SYNJ2: variants seen among roughly 807,000 people sequenced by gnomAD.
The protein encoded by SYNJ2 is polyphosphatidylinositol phosphatase SYNJ2.
SYNJ2 carries 116 observed loss-of-function variants against 141.3 expected under a neutral mutation model. The observed-to-expected ratio is 0.82, with a 90% confidence interval of 0.71 to 0.96. The LOEUF is 0.96. SYNJ2 is among the 40% of genes least tolerant of loss of function. SYNJ2 has a pLI of 0.00. For missense variants in SYNJ2, 1,873 were observed against 1,934.8 expected (o/e 0.97, Z 0.60); for synonymous variants, 745 against 777.7 (o/e 0.96, Z 0.70).
chr6:158,062,272 C>A, intron 8 of SYNJ2, 108 bp downstream of exon 8: 1 of 1,533,836 alleles, frequency 6.5e-7, no homozygotes, highest in South Asian at 1.3e-5. Flanking sequence ...GGCAGAGGGG[C>A]CGTGCAGTCT....
At chr6:158,056,480 G>C (rs545395192) in intron 6 of SYNJ2, among the ~76,000 whole-genome samples, 1 of 152,328 alleles carries the variant, frequency 6.6e-6, no homozygotes, top group African/African-American at 2.4e-5. Flanking sequence ...CCACGACACT[G>C]GGCTGGAGGC....
chr6:158,063,824 T>G lies in SYNJ2; in HGVS notation c.1161T>G (p.Leu387=). 3.1e-6 allele frequency: 5 copies of G among 1,613,892 alleles called. No homozygotes were observed. The highest frequency in any genetic ancestry group is 4.2e-6 in the Non-Finnish European group (5 of 1,179,932). The change falls in exon 9 of 27, where the codon CTT becomes CTG. Residue 387 remains leucine, a synonymous_variant. Coordinates refer to ENST00000355585, the MANE Select transcript of SYNJ2 (RefSeq NM_003898.4). ...AAGGCACTTTGCGGATGAACTGTCT[T>G]GACTGCCTGGACCGAACCAACACTG... ...FQKGTLRMNC[L]DCLDRTNTVQ...
Position 158,096,534 on chromosome 6 carries a change from C to G in SYNJ2, c.*170C>G, listed in dbSNP as rs1783811282. The G allele has an allele frequency of 1.5e-6, 1 of 658,290 alleles. No homozygotes were observed. The highest frequency in any genetic ancestry group is 3.0e-5 in the East Asian group (1 of 32,898). The allele number at this position is 658,290 out of a possible 1,614,324, so 40.8% of individuals were successfully genotyped here. A position where few individuals can be genotyped will look rare whatever the true frequency, so the allele number is the denominator to read the frequency against. On this transcript the variant is annotated 3_prime_UTR_variant, in exon 27 of 27. Coordinates refer to ENST00000355585, the MANE Select transcript of SYNJ2 (RefSeq NM_003898.4). ...TGTCTCTTATTCAGTAAGATGGTTA[C>G]TCAGCCACCAAAATATATTTCACTC...
At chr6:157,993,709 G>GTTTTT (rs1777533743) in intron 1 of SYNJ2, among the ~76,000 whole-genome samples, 1 of 61,564 alleles carries the variant, frequency 1.6e-5, no homozygotes, top group African/African-American at 9.9e-5. Context: ...TTCTTGCATA[G>GTTTTT]CTTTTTTTTT....
At chr6:158,033,960 G>C (rs1037482234) in intron 4 of SYNJ2, among the ~76,000 whole-genome samples, 1 of 152,190 alleles carries the variant, frequency 6.6e-6, no homozygotes, top group Non-Finnish European at 1.5e-5. Flanking sequence ...TTTTTGCCTT[G>C]GTCGTGAAAG....
intron 2 of SYNJ2, chr6:158,026,716 C>T: frequency 2.2e-6 from 1 of 463,746 alleles, no homozygotes; most frequent in Non-Finnish European, 2.8e-6. Context: ...TCATGACTCT[C>T]ACGGAGTGAT....
At chr6:158,028,602 G>A in intron 2 of SYNJ2, 154 bp from the exon 3 acceptor site, 2 of 981,972 alleles carry the variant, frequency 2.0e-6, no homozygotes, top group Non-Finnish European at 3.0e-6. Flanking sequence ...GCAGGTTCTT[G>A]AGCCATTGAG....
chr6:158,067,430 TA>T (rs1781637437), intron 12 of SYNJ2: 1 of 984,988 alleles, frequency 1.0e-6, no homozygotes, highest in Admixed American at 6.1e-5. Context: ...TATTTAGGAA[TA>T]AAATAATTCC....
intron 2 of SYNJ2, among the ~76,000 whole-genome samples, chr6:158,019,302 A>G (rs1184187109): frequency 6.6e-6 from 1 of 152,256 alleles, no homozygotes; most frequent in Non-Finnish European, 1.5e-5. Flanking sequence ...TTGCGGCACC[A>G]GGGACTGCCT....
chr6:158,071,173 ACT>A lies in SYNJ2; in HGVS notation c.1941-426_1941-425del, dbSNP rs1293536282. Among the ~76,000 whole-genome samples, 1 of 152,104 alleles carries A rather than the reference ACT, an allele frequency of 6.6e-6. No homozygotes were observed. Among genetic ancestry groups the A allele is most frequent in the African/African-American group, 2.4e-5 (1 of 41,402 alleles). On this transcript the variant is annotated intron_variant, in intron 14 of 26. Coordinates refer to ENST00000355585, the MANE Select transcript of SYNJ2 (RefSeq NM_003898.4). The surrounding 1 kb of genome is among the most constrained non-coding windows in gnomAD (Gnocchi z 4.3). ...ACTCCAGCCAGGGTGACAGAGCGAG[ACT>A]CTGTCTCAAAATAACAATAATAATT...
intron 1 of SYNJ2, among the ~76,000 whole-genome samples, chr6:157,989,303 T>G (rs900353616): frequency 1.3e-5 from 2 of 151,778 alleles, no homozygotes; most frequent in African/African-American, 4.8e-5. Context: ...ACTAGTAATC[T>G]CCATTTTACA....
At chr6:158,042,100 A>G (rs1300400291) in intron 4 of SYNJ2, among the ~76,000 whole-genome samples, 1 of 152,256 alleles carries the variant, frequency 6.6e-6, no homozygotes, top group Non-Finnish European at 1.5e-5. Flanking sequence ...CACGCCGGTC[A>G]GTTGTATGTA....
chr6:157,981,732 G>T (rs1400179881), upstream of SYNJ2, among the ~76,000 whole-genome samples: 1 of 151,794 alleles, frequency 6.6e-6, no homozygotes, highest in South Asian at 2.1e-4. This position sits in a 1 kb window ranked among gnomAD's most constrained non-coding sequence, Gnocchi z 6.4. Flanking sequence ...CCGCTGGGGG[G>T]AGCGCGGGGC....
Position 158,005,116 on chromosome 6 carries a change from C to G in SYNJ2, c.128-12088C>G, listed in dbSNP as rs563648478. 2.7e-5 allele frequency among the ~76,000 whole-genome samples: 4 copies of G among 148,036 alleles called. No individual in the cohort carries two copies. The East Asian group carries it at 5.9e-4, about 22-fold the overall frequency. The stretch of plus-strand genomic sequence containing the variant: ...TTTTTTTGAGACAGTCTTGCTCTGT[C>G]GCCCAGGCTGGAGTGCAGTGGCGCG... On this transcript the variant is annotated intron_variant, in intron 1 of 26. Coordinates refer to ENST00000355585, the MANE Select transcript of SYNJ2 (RefSeq NM_003898.4).
Position 158,062,004 on chromosome 6 carries a change from G to C in SYNJ2, c.967G>C (p.Ala323Pro). 1 of 1,613,918 alleles carries C rather than the reference G, an allele frequency of 6.2e-7. No individual in the cohort carries two copies. The highest frequency in any genetic ancestry group is 1.1e-5 in the South Asian group (1 of 91,088). Residue 323 changes from alanine to proline, a missense_variant, in exon 8 of 27, where the codon GCT (alanine) becomes CCT (proline). Ala to Pro is a conservative substitution (Grantham distance 27). Transcript: ENST00000355585. Reference protein sequence around the residue: ...LNRAFKKLLWASCHAGDTPMI... With the variant: ...LNRAFKKLLWPSCHAGDTPMI... ...CTCCTCTTTTCAGAAGCTGCTCTGG[G>C]CTTCTTGCCACGCGGGCGACACGCC...
At position 158,096,560 on chromosome 6, in the gene SYNJ2, A is replaced by C; in HGVS notation, c.*196A>C. The C allele has an allele frequency of 1.8e-6, 1 of 541,708 alleles. No individual in the cohort carries two copies. The highest frequency in any genetic ancestry group is 3.1e-6 in the Non-Finnish European group (1 of 321,946). 33.6% of individuals were successfully genotyped at this position (541,708 alleles called of 1,614,324 possible). ...TCAGCCACCAAAATATATTTCACTC[A>C]AGGCTTGTACATCTGAAGTTTGCTC... On this transcript the variant is annotated 3_prime_UTR_variant, in exon 27 of 27. Coordinates refer to ENST00000355585, the MANE Select transcript of SYNJ2 (RefSeq NM_003898.4).
chr6:157,988,978 C>T (rs1429637918), intron 1 of SYNJ2, among the ~76,000 whole-genome samples: 4 of 152,272 alleles, frequency 2.6e-5, no homozygotes, highest in African/African-American at 7.2e-5. Flanking sequence ...CGGGCAGGAG[C>T]CTTCTGGCAC....
intron 7 of SYNJ2, 120 bp downstream of exon 7, chr6:158,059,473 C>T: frequency 6.7e-7 from 1 of 1,489,920 alleles, no homozygotes; most frequent in Non-Finnish European, 8.9e-7. Flanking sequence ...CCTTCGTTTC[C>T]TGAGGCTTCC....
At chr6:158,046,012 G>A (rs1780217854) in intron 5 of SYNJ2, among the ~76,000 whole-genome samples, 1 of 152,038 alleles carries the variant, frequency 6.6e-6, no homozygotes, top group Non-Finnish European at 1.5e-5. Context: ...GCACGACCTC[G>A]GCTCACTGCA....
Sources: allele counts gnomAD v4.1 joint callset (sites outside exome capture counted in the v4.1 genomes callset), GRCh38; gene constraint gnomAD v4.1.1; non-coding constraint Gnocchi (gnomAD v3.1); transcripts MANE v1.5; gene names NCBI Gene and HGNC (gene_info 2026-07-23, HGNC 2026-07-21).